GRK5: variants seen among roughly 807,000 people sequenced by gnomAD.
GRK5 encodes the protein g protein-coupled receptor kinase GRK5.
Under a neutral mutation model 78.4 loss-of-function variants are expected in GRK5, and 40 were observed. The ratio of observed to expected loss-of-function variants is 0.51; its 90% CI spans 0.40 to 0.66. The LOEUF (loss-of-function observed/expected upper bound fraction) is 0.66, where lower values mean the gene tolerates loss of function less well. GRK5 is among the 30% of genes least tolerant of loss of function. The probability of loss-of-function intolerance (pLI) is 0.00; values close to 1 mark genes in which losing one functional copy is unlikely to be tolerated. For synonymous variants in GRK5, 289 were observed against 296.8 expected, an observed-to-expected ratio of 0.97 and a Z score of 0.27; for missense variants, 598 against 759.9, an observed-to-expected ratio of 0.79 and a Z score of 2.50.
rs1852793401 is a variant in GRK5 at position 119,430,487 on chromosome 10, C to T, written c.597+49C>T. 6.5e-7 allele frequency: 1 copy of T among 1,534,768 alleles called. No individual in the cohort carries two copies. Among genetic ancestry groups the T allele is most frequent in the East Asian group, 2.3e-5 (1 of 44,172 alleles). ...ATTGAAAGTTCTTACATTCAAGTCA[C>T]CTTTCCTGTCCCTTCTAAATCAACC... On this transcript the variant is annotated intron_variant, in intron 7 of 15. Coordinates refer to ENST00000392870, the MANE Select transcript of GRK5 (RefSeq NM_005308.3). This position sits in a 1 kb window ranked among gnomAD's most constrained non-coding sequence, Gnocchi z 4.5.
In GRK5 at chr10:119,345,282, T is replaced by C. The variant is rs149745959; in HGVS notation, c.148+18671T>C. 7.9e-5 allele frequency among the ~76,000 whole-genome samples: 12 copies of C among 152,304 alleles called. No individual in the cohort carries two copies. The East Asian group carries it at 2.3e-3, about 29-fold the overall frequency. On this transcript the variant is annotated intron_variant, in intron 2 of 15. Coordinates refer to ENST00000392870, the MANE Select transcript of GRK5 (RefSeq NM_005308.3). Reference sequence around the variant, plus strand: ...CGCGCCCGGCCACAGACTCACTTTCTTGGGGTTTGGCAGGTCAGCAGGTTT... The same window carrying C: ...CGCGCCCGGCCACAGACTCACTTTCCTGGGGTTTGGCAGGTCAGCAGGTTT...
intron 1 of GRK5, among the ~76,000 whole-genome samples, chr10:119,273,074 A>G (rs924809195): frequency 1.3e-5 from 2 of 152,230 alleles, no homozygotes; most frequent in Non-Finnish European, 1.5e-5. Flanking sequence ...CATACAAGCC[A>G]GTCGTATTCC....
intron 2 of GRK5, among the ~76,000 whole-genome samples, chr10:119,372,356 G>A (rs945098264): frequency 6.6e-6 from 1 of 152,254 alleles, no homozygotes; most frequent in Non-Finnish European, 1.5e-5. Flanking sequence ...CAACTTCGTG[G>A]TGGAGGCTGA....
intron 2 of GRK5, among the ~76,000 whole-genome samples, chr10:119,367,924 A>C (rs1250357970): frequency 2.0e-5 from 3 of 152,250 alleles, no homozygotes; most frequent in African/African-American, 4.8e-5. Context: ...GATCCTCGCT[A>C]GACCCCGGCC....
intron 3 of GRK5, among the ~76,000 whole-genome samples, chr10:119,396,233 A>G (rs1457377355): frequency 6.6e-6 from 1 of 152,248 alleles, no homozygotes; most frequent in African/African-American, 2.4e-5. Flanking sequence ...CTACGATCAC[A>G]CAGCTTACAA....
chr10:119,385,207 C>T (rs1480144863), intron 3 of GRK5, among the ~76,000 whole-genome samples: 1 of 152,016 alleles, frequency 6.6e-6, no homozygotes, highest in East Asian at 1.9e-4. Flanking sequence ...AATGGGGGAG[C>T]CACTGGAGGG....
At chr10:119,386,089 T>C (rs1851789687) in intron 3 of GRK5, among the ~76,000 whole-genome samples, 1 of 152,182 alleles carries the variant, frequency 6.6e-6, no homozygotes, top group South Asian at 2.1e-4. Flanking sequence ...TTTGCCATGT[T>C]GCCATGGCTG....
chr10:119,348,842 T>C (rs1371402838), intron 2 of GRK5, among the ~76,000 whole-genome samples: 1 of 152,068 alleles, frequency 6.6e-6, no homozygotes, highest in African/African-American at 2.4e-5. Flanking sequence ...TCCATCCTTG[T>C]CCAAAAAAGG....
At chr10:119,309,239 T>TATTGTCACCTGGC (rs1209080496) in intron 1 of GRK5, among the ~76,000 whole-genome samples, 3 of 152,230 alleles carry the variant, frequency 2.0e-5, no homozygotes, top group Non-Finnish European at 4.4e-5. Flanking sequence ...CTTCCTCTAG[T>TATTGTCACCTGGC]ATTGTCACCT....
chr10:119,261,288 A>C (rs1356190341), intron 1 of GRK5, among the ~76,000 whole-genome samples: 6 of 136,170 alleles, frequency 4.4e-5, no homozygotes, highest in Admixed American at 4.3e-4. Flanking sequence ...GGCGCTCCTC[A>C]CATCCCAGAC....
chr10:119,212,156 CTT>C (rs567817399), intron 1 of GRK5, among the ~76,000 whole-genome samples: 1 of 145,076 alleles, frequency 6.9e-6, no homozygotes, highest in Admixed American at 6.9e-5. Flanking sequence ...AACTGCCTTT[CTT>C]TTTTTTTTTT....
At chr10:119,329,386 G>A (rs1850729734) in intron 2 of GRK5, among the ~76,000 whole-genome samples, 2 of 152,156 alleles carry the variant, frequency 1.3e-5, no homozygotes, top group Admixed American at 6.5e-5. Flanking sequence ...GAGAGAAGAA[G>A]GCAGACTGGC....
intron 2 of GRK5, among the ~76,000 whole-genome samples, chr10:119,371,125 T>G (rs1294844732): frequency 6.6e-6 from 1 of 152,266 alleles, no homozygotes; most frequent in African/African-American, 2.4e-5. Context: ...GCCCGAGCTC[T>G]AGGAGTGCCT....
At chr10:119,279,061 T>A (rs2133686311) in intron 1 of GRK5, among the ~76,000 whole-genome samples, 1 of 152,082 alleles carries the variant, frequency 6.6e-6, no homozygotes, top group East Asian at 1.9e-4. Flanking sequence ...GTATTTTTTT[T>A]AGTAGAGACG....
intron 12 of GRK5, 116 bp from the exon 13 acceptor site, chr10:119,448,007 C>G: frequency 7.8e-7 from 1 of 1,277,992 alleles, no homozygotes; most frequent in South Asian, 1.8e-5. Context: ...AAGACCTTTG[C>G]AGGGTGGGGC....
chr10:119,311,882 CTG>C (rs945880978), intron 1 of GRK5, among the ~76,000 whole-genome samples: 14 of 149,592 alleles, frequency 9.4e-5, no homozygotes, highest in Admixed American at 2.0e-4. Flanking sequence ...AAGCTCAACA[CTG>C]TGAGTGTACT....
At chr10:119,358,980 A>C (rs11198898) in intron 2 of GRK5, among the ~76,000 whole-genome samples, 119,630 of 152,086 alleles carry the variant, frequency 0.79, 47,392 homozygotes, top group African/African-American at 0.87. Flanking sequence ...ACCCTGAAGA[A>C]TTCATTTAAC....
At chr10:119,365,833 C>T (rs868117755) in intron 2 of GRK5, among the ~76,000 whole-genome samples, 4 of 152,218 alleles carry the variant, frequency 2.6e-5, no homozygotes, top group South Asian at 2.1e-4. Context: ...CAAGGCACTC[C>T]GCTTCCTGTG....
chr10:119,374,934 T>C (rs763187967), intron 2 of GRK5, among the ~76,000 whole-genome samples: 4 of 152,202 alleles, frequency 2.6e-5, no homozygotes, highest in African/African-American at 4.8e-5. Context: ...AGTGCTATGC[T>C]TCCTGTACAG....
Sources: allele counts gnomAD v4.1 joint callset (sites outside exome capture counted in the v4.1 genomes callset), GRCh38; gene constraint gnomAD v4.1.1; non-coding constraint Gnocchi (gnomAD v3.1); transcripts MANE v1.5; gene names NCBI Gene and HGNC (gene_info 2026-07-23, HGNC 2026-07-21).